The following ZNF2 variants were observed in gnomAD, a reference collection of about 807,000 sequenced individuals.
ZNF2 encodes zinc finger protein 2.
ZNF2 carries 12 observed loss-of-function variants against 21.9 expected under a neutral mutation model. That is an observed-to-expected ratio of 0.55 (90% CI 0.35 to 0.89). The LOEUF is 0.89. ZNF2 is among the 40% of genes least tolerant of loss of function. The pLI, the probability that ZNF2 is intolerant of heterozygous loss-of-function variation, is 0.01. For synonymous variants in ZNF2, 186 were observed against 196.3 expected, an observed-to-expected ratio of 0.95 and a Z score of 0.44; for missense variants, 462 against 544.2, an observed-to-expected ratio of 0.85 and a Z score of 1.50.
chr2:95,178,690 G>A (rs1350523884), intron 3 of ZNF2, among the ~76,000 whole-genome samples: 1 of 152,124 alleles, frequency 6.6e-6, no homozygotes, highest in South Asian at 2.1e-4. Flanking sequence ...AACCAAAAAT[G>A]GATAGATTTG....
At chr2:95,180,589 A>G (rs1674605209) in intron 4 of ZNF2, among the ~76,000 whole-genome samples, 1 of 149,522 alleles carries the variant, frequency 6.7e-6, no homozygotes, top group African/African-American at 2.5e-5. Context: ...AGCTCACTGT[A>G]ACCTCCACCT....
At chr2:95,166,921 A>G (rs1434795959) in intron 1 of ZNF2, among the ~76,000 whole-genome samples, 4 of 152,216 alleles carry the variant, frequency 2.6e-5, no homozygotes, top group African/African-American at 9.7e-5. Flanking sequence ...GAAGAATGCA[A>G]TACAGTTGTA....
intron 1 of ZNF2, among the ~76,000 whole-genome samples, chr2:95,166,158 A>G (rs1461114735): frequency 6.6e-6 from 1 of 151,314 alleles, no homozygotes; most frequent in Non-Finnish European, 1.5e-5. Flanking sequence ...TGGGTGCTTA[A>G]TGAACGTGGG....
chr2:95,176,060 A>C (rs1438610108), intron 1 of ZNF2, 128 bp from the exon 2 acceptor site: 6 of 853,726 alleles, frequency 7.0e-6, no homozygotes, highest in African/African-American at 3.3e-5. Flanking sequence ...TGCTTTACTT[A>C]GACCCCCTTT....
At chr2:95,181,022 C>A in intron 4 of ZNF2, 81 bp from the exon 5 acceptor site, 2 of 1,502,008 alleles carry the variant, frequency 1.3e-6, no homozygotes, top group Non-Finnish European at 1.8e-6. Context: ...ACATTACTTT[C>A]AGACTCATCG....
intron 1 of ZNF2, among the ~76,000 whole-genome samples, chr2:95,167,179 A>ACAGT (rs1674089992): frequency 6.6e-6 from 1 of 152,216 alleles, no homozygotes; most frequent in Non-Finnish European, 1.5e-5. Flanking sequence ...AATAAGCAGA[A>ACAGT]GCTTGTCCGA....
chr2:95,178,168 A>G (rs1034382460), intron 3 of ZNF2, among the ~76,000 whole-genome samples: 15 of 152,306 alleles, frequency 9.8e-5, no homozygotes, highest in African/African-American at 3.6e-4. Context: ...CTTGTGTGAC[A>G]AAGAGAAAGT....
At position 95,180,193 on chromosome 2, in the gene ZNF2, A is replaced by C; in HGVS notation, c.195A>C (p.Gln65His). 6.2e-7 allele frequency: 1 copy of C among 1,614,086 alleles called. No homozygotes were observed. The highest frequency in any genetic ancestry group is 8.5e-7 in the Non-Finnish European group (1 of 1,179,988). The change falls in exon 4 of 5, where the codon CAA becomes CAC. Residue 65 changes from glutamine to histidine, a missense_variant. By Grantham distance (24) the Gln-to-His change is conservative. Coordinates refer to ENST00000614034, the MANE Select transcript of ZNF2 (RefSeq NM_021088.4). ...LPVPQPDVIFQLKRGDKPWMV... is the reference protein window; with the variant it reads ...LPVPQPDVIFHLKRGDKPWMV... ...TTCCTCAACCTGATGTGATTTTCCA[A>C]TTGAAGAGAGGGGACAAGCCGTGGA...
In ZNF2 at chr2:95,176,190, C is replaced by G; in HGVS notation, c.-37C>G. On this transcript the variant is annotated splice_region_variant and 5_prime_UTR_variant, in exon 2 of 5. Coordinates refer to ENST00000614034, the MANE Select transcript of ZNF2 (RefSeq NM_021088.4). ...ACCCCCCACTTCTGCCTCATTAGGACTCTGCCCTTGTCCACAAGGAGAGCA... is the reference window on the plus strand; with the variant it reads ...ACCCCCCACTTCTGCCTCATTAGGAGTCTGCCCTTGTCCACAAGGAGAGCA... The G allele has an allele frequency of 6.2e-7, 1 of 1,614,100 alleles. No homozygotes were observed. Among genetic ancestry groups the G allele is most frequent in the East Asian group, 2.2e-5 (1 of 44,874 alleles).
Position 95,181,908 on chromosome 2 carries a change from G to C in ZNF2, c.1080G>C (p.Gln360His), listed in dbSNP as rs778407734. 5 of 1,614,160 alleles carry C rather than the reference G, an allele frequency of 3.1e-6. 1 individual carries two copies. The South Asian group carries it at 5.5e-5, about 18-fold the overall frequency. ...FFDRSSLTQH[Q>H]KIHTGDKPYE... The stretch of plus-strand genomic sequence containing the variant: ...ACCGCTCATCCCTTACACAGCATCA[G>C]AAGATCCACACTGGAGACAAGCCAT... Residue 360 changes from glutamine to histidine, a missense_variant, in exon 5 of 5, where the codon CAG (glutamine) becomes CAC (histidine). Transcript: ENST00000614034.
chr2:95,166,063 TG>T (rs1442516140), intron 1 of ZNF2, among the ~76,000 whole-genome samples: 9 of 152,172 alleles, frequency 5.9e-5, no homozygotes, highest in African/African-American at 2.2e-4. Flanking sequence ...CCGTGGGGTC[TG>T]GGCACCCATT....
At position 95,176,167 on chromosome 2, in the gene ZNF2, C is replaced by T. The variant is rs575025251; in HGVS notation, c.-39-21C>T. ...GTCTTTCTCCTACCTTCTTTCTCAC[C>T]CCCCACTTCTGCCTCATTAGGACTC... On this transcript the variant is annotated intron_variant, in intron 1 of 4. Coordinates refer to ENST00000614034, the MANE Select transcript of ZNF2 (RefSeq NM_021088.4). 3.7e-6 allele frequency: 6 copies of T among 1,606,014 alleles called. No individual in the cohort carries two copies. In the South Asian group the frequency reaches 5.5e-5, roughly 15 times the overall value.
At chr2:95,167,664 A>G (rs866667197) in intron 1 of ZNF2, among the ~76,000 whole-genome samples, 5 of 151,752 alleles carry the variant, frequency 3.3e-5, no homozygotes, top group Non-Finnish European at 7.4e-5. Context: ...CCTGGCCAAC[A>G]TGGTGAAACC....
intron 1 of ZNF2, among the ~76,000 whole-genome samples, chr2:95,172,937 G>A (rs531705408): frequency 2.7e-5 from 4 of 149,306 alleles, no homozygotes; most frequent in South Asian, 2.1e-4. Context: ...GCACCTGGCC[G>A]TTCTTTGTGG....
intron 1 of ZNF2, among the ~76,000 whole-genome samples, chr2:95,169,944 A>G (rs1185627689): frequency 6.6e-6 from 1 of 152,206 alleles, no homozygotes; most frequent in Non-Finnish European, 1.5e-5. Context: ...TACTTCCGTT[A>G]TTCCAGTTTT....
intron 3 of ZNF2, among the ~76,000 whole-genome samples, chr2:95,178,484 A>G (rs1348224728): frequency 6.6e-6 from 1 of 152,194 alleles, no homozygotes; most frequent in Non-Finnish European, 1.5e-5. Flanking sequence ...ATATTGAGGA[A>G]AATAGAACCC....
In ZNF2 at chr2:95,177,565, A is replaced by T. The variant is rs1398609213; in HGVS notation, c.116A>T (p.Tyr39Phe). Residue 39 changes from tyrosine (Y) to phenylalanine (F), a missense_variant, in exon 3 of 5, where the codon TAC becomes TTC. By Grantham distance (22) the Tyr-to-Phe change is conservative (BLOSUM62 3). Transcript: ENST00000614034. Reference protein sequence around the residue: ...SRLVPIQRDLYKEVMLENYNS... With the variant: ...SRLVPIQRDLFKEVMLENYNS... Reference sequence around the variant, plus strand: ...CTGGTCCCCATACAGAGGGACCTCTACAAGGAGGTGATGCTGGAGAACTAT... The same window carrying T: ...CTGGTCCCCATACAGAGGGACCTCTTCAAGGAGGTGATGCTGGAGAACTAT... 6.2e-7 allele frequency: 1 copy of T among 1,614,112 alleles called. No homozygotes were observed. The highest frequency in any genetic ancestry group is 8.5e-7 in the Non-Finnish European group (1 of 1,179,992).
At chr2:95,180,960 T>TAA in intron 4 of ZNF2, 143 bp from the exon 5 acceptor site, 1 of 986,654 alleles carries the variant, frequency 1.0e-6, no homozygotes. Flanking sequence ...CAGGTCTTAG[T>TAA]CCCTCCCTGC....
At chr2:95,168,371 G>A (rs1674157769) in intron 1 of ZNF2, among the ~76,000 whole-genome samples, 1 of 150,852 alleles carries the variant, frequency 6.6e-6, no homozygotes, top group Middle Eastern at 3.4e-3. Context: ...GTTGCAGTGA[G>A]CCAAGATCGT....
Sources: allele counts gnomAD v4.1 joint callset (sites outside exome capture counted in the v4.1 genomes callset), GRCh38; gene constraint gnomAD v4.1.1; transcripts MANE v1.5; gene names NCBI Gene and HGNC (gene_info 2026-07-23, HGNC 2026-07-21).